COL23A1: variants seen among roughly 807,000 people sequenced by gnomAD.
COL23A1 encodes collagen alpha-1(XXIII) chain.
Under a neutral mutation model 99.3 loss-of-function variants are expected in COL23A1, and 97 were observed. The observed-to-expected ratio is 0.98, with a 90% confidence interval of 0.83 to 1.16. The LOEUF is 1.16. COL23A1 is among the 50% of genes most tolerant of loss of function. The probability of loss-of-function intolerance (pLI) is 0.00; values close to 1 mark genes in which losing one functional copy is unlikely to be tolerated. For missense variants in COL23A1, 762 were observed against 757.4 expected (o/e 1.01, Z -0.07); for synonymous variants, 320 against 308.2 (o/e 1.04, Z -0.40).
chr5:178,445,775 C>G (rs564189612), intron 2 of COL23A1, among the ~76,000 whole-genome samples: 2 of 151,544 alleles, frequency 1.3e-5, no homozygotes, highest in East Asian at 3.9e-4. Context: ...GGATATGACA[C>G]CAAAGACAGA....
chr5:178,527,649 A>G (rs1315935957), intron 2 of COL23A1, among the ~76,000 whole-genome samples: 4 of 152,194 alleles, frequency 2.6e-5, no homozygotes, highest in Non-Finnish European at 5.9e-5. Flanking sequence ...AGACAACTGC[A>G]CATCCCCAGT....
At chr5:178,510,096 CT>C (rs1278053888) in intron 2 of COL23A1, among the ~76,000 whole-genome samples, 36 of 152,326 alleles carry the variant, frequency 2.4e-4, no homozygotes, top group Non-Finnish European at 3.8e-4. Context: ...TGAGAAAATG[CT>C]ATGATTTATG....
intron 2 of COL23A1, among the ~76,000 whole-genome samples, chr5:178,549,865 TAAC>T (rs1418077625): frequency 1.3e-5 from 2 of 152,046 alleles, no homozygotes; most frequent in Non-Finnish European, 2.9e-5. Context: ...AACAACAAAA[TAAC>T]AAACATGAGA....
intron 5 of COL23A1, among the ~76,000 whole-genome samples, chr5:178,286,986 G>A (rs1237341855): frequency 6.6e-6 from 1 of 152,248 alleles, no homozygotes; most frequent in Non-Finnish European, 1.5e-5. Flanking sequence ...GAGTGGTTCT[G>A]TTAGTCTCCG....
chr5:178,356,690 G>A (rs182905690), intron 2 of COL23A1, among the ~76,000 whole-genome samples: 9 of 152,322 alleles, frequency 5.9e-5, no homozygotes, highest in East Asian at 5.8e-4. Context: ...CATTGCCGCC[G>A]GAGCAGAGCC....
chr5:178,435,061 T>C (rs928219870), intron 2 of COL23A1, among the ~76,000 whole-genome samples: 16 of 152,192 alleles, frequency 1.1e-4, no homozygotes, highest in Non-Finnish European at 1.5e-5. Flanking sequence ...GGGCGAGCAA[T>C]AATCTTTTCG....
At chr5:178,483,746 C>T (rs1282846128) in intron 2 of COL23A1, among the ~76,000 whole-genome samples, 4 of 152,196 alleles carry the variant, frequency 2.6e-5, no homozygotes, top group Non-Finnish European at 5.9e-5. Flanking sequence ...GTTACGGGGC[C>T]CATCTCCAAT....
chr5:178,340,795 A>T lies in COL23A1; in HGVS notation c.362-33876T>A, dbSNP rs188964507. 1.6e-3 allele frequency among the ~76,000 whole-genome samples: 242 copies of T among 152,306 alleles called. 1 individual carries two copies. Among genetic ancestry groups the T allele is most frequent in the South Asian group, 2.7e-3 (13 of 4,828 alleles). ...CGGGGCAAGGCCTGGCTTTTCTTAC[A>T]TGGTGCTCCCACTTTCCATCCAGAA... On this transcript the variant is annotated intron_variant, in intron 2 of 28. Transcript: ENST00000390654. This position sits in a 1 kb window ranked among gnomAD's most constrained non-coding sequence, Gnocchi z 4.7.
chr5:178,270,657 C>T (rs374338009), intron 5 of COL23A1, among the ~76,000 whole-genome samples: 1 of 152,200 alleles, frequency 6.6e-6, no homozygotes, highest in South Asian at 2.1e-4. Flanking sequence ...GCATTCCCTC[C>T]GCCAGGGTGA....
intron 2 of COL23A1, among the ~76,000 whole-genome samples, chr5:178,429,248 C>A (rs1260571057): frequency 6.6e-6 from 1 of 152,116 alleles, no homozygotes; most frequent in Non-Finnish European, 1.5e-5. Context: ...AGCTGGGGCG[C>A]CACCAGGCCC....
chr5:178,577,398 C>T (rs1290755466), intron 1 of COL23A1, among the ~76,000 whole-genome samples: 1 of 152,232 alleles, frequency 6.6e-6, no homozygotes, highest in Middle Eastern at 3.2e-3. Context: ...CGGCCGCATC[C>T]GGAGGCCCAG....
intron 2 of COL23A1, among the ~76,000 whole-genome samples, chr5:178,332,461 T>C (rs1760084626): frequency 6.6e-6 from 1 of 152,184 alleles, no homozygotes; most frequent in African/African-American, 2.4e-5. Context: ...CTTTGAGGTC[T>C]CTGGACCCCT....
intron 2 of COL23A1, among the ~76,000 whole-genome samples, chr5:178,368,930 A>G (rs930367883): frequency 5.9e-5 from 9 of 152,250 alleles, no homozygotes; most frequent in African/African-American, 2.2e-4. Context: ...CATGGCAGCA[A>G]AGCCCAGCCA....
At chr5:178,409,489 A>AGTGTGTGTGTGT (rs34824661) in intron 2 of COL23A1, among the ~76,000 whole-genome samples, 6 of 151,298 alleles carry the variant, frequency 4.0e-5, no homozygotes, top group African/African-American at 1.5e-4. Context: ...TATTTACACT[A>AGTGTGTGTGTGT]GTGTGTGTGT....
chr5:178,344,514 G>A (rs1760851764), intron 2 of COL23A1, among the ~76,000 whole-genome samples: 1 of 152,144 alleles, frequency 6.6e-6, no homozygotes, highest in African/African-American at 2.4e-5. Flanking sequence ...GCGTGCCCTT[G>A]TAGTCCCAGC....
At chr5:178,520,657 GTGACCT>G (rs1759890139) in intron 2 of COL23A1, among the ~76,000 whole-genome samples, 2 of 152,152 alleles carry the variant, frequency 1.3e-5, no homozygotes, top group African/African-American at 2.4e-5. Flanking sequence ...TATTAGCTAT[GTGACCT>G]TGAGCAAATC....
intron 2 of COL23A1, among the ~76,000 whole-genome samples, chr5:178,450,922 AG>A (rs1201071876): frequency 6.6e-6 from 1 of 152,232 alleles, no homozygotes; most frequent in Non-Finnish European, 1.5e-5. Context: ...GCTGGGTACT[AG>A]CCCTAAGTTA....
At chr5:178,359,613 TA>T (rs1447621391) in intron 2 of COL23A1, among the ~76,000 whole-genome samples, 3 of 152,176 alleles carry the variant, frequency 2.0e-5, no homozygotes, top group Admixed American at 2.0e-4. Flanking sequence ...TCTGGTTAAA[TA>T]AAAAGATTCC....
At position 178,582,512 on chromosome 5, in the gene COL23A1, T is replaced by C. The variant is rs367779820; in HGVS notation, c.294+7392A>G. On this transcript the variant is annotated intron_variant, in intron 1 of 28. Transcript: ENST00000390654. Reference sequence around the variant, plus strand: ...AGAGGGCTCCTCTGAAGGTGCAGGATCACATCCACACTTCGCGAGGTCCTG... The same window carrying C: ...AGAGGGCTCCTCTGAAGGTGCAGGACCACATCCACACTTCGCGAGGTCCTG... Among the ~76,000 whole-genome samples, 177 of 152,176 alleles carry C rather than the reference T, an allele frequency of 1.2e-3. 3 individuals carry two copies. The highest frequency in any genetic ancestry group is 3.7e-3 in the African/African-American group (152 of 41,510).
Sources: allele counts gnomAD v4.1 joint callset (sites outside exome capture counted in the v4.1 genomes callset), GRCh38; gene constraint gnomAD v4.1.1; non-coding constraint Gnocchi (gnomAD v3.1); transcripts MANE v1.5; gene names NCBI Gene and HGNC (gene_info 2026-07-23, HGNC 2026-07-21).